Variants in STYX observed in about 807,000 individuals in gnomAD.
STYX encodes serine/threonine/tyrosine-interacting protein.
STYX carries 20 observed loss-of-function variants against 42.7 expected under a neutral mutation model. The ratio of observed to expected loss-of-function variants is 0.47; its 90% CI spans 0.33 to 0.68. The LOEUF is 0.68. STYX is among the 30% of genes least tolerant of loss of function. The probability of loss-of-function intolerance (pLI) is 0.02; values close to 1 mark genes in which losing one functional copy is unlikely to be tolerated. For missense variants in STYX, 226 were observed against 268.5 expected (o/e 0.84, Z 1.11); for synonymous variants, 78 against 81.9 (o/e 0.95, Z 0.26).
intron 1 of STYX, among the ~76,000 whole-genome samples, chr14:52,741,206 GT>G (rs1310764281): frequency 2.1e-5 from 3 of 142,438 alleles, no homozygotes; most frequent in Non-Finnish European, 3.0e-5. Context: ...GTGGATATAT[GT>G]TTTTATATAT....
intron 1 of STYX, among the ~76,000 whole-genome samples, 170 bp from the exon 2 acceptor site, chr14:52,744,682 T>A (rs1881326677): frequency 6.6e-6 from 1 of 152,248 alleles, no homozygotes; most frequent in African/African-American, 2.4e-5. Context: ...TTGTTTCTTG[T>A]CACTTCAATT....
At chr14:52,749,102 A>G (rs896760459) in intron 3 of STYX, among the ~76,000 whole-genome samples, 1 of 152,240 alleles carries the variant, frequency 6.6e-6, no homozygotes, top group Non-Finnish European at 1.5e-5. Flanking sequence ...TGGCAAGTCC[A>G]CAGTCATGGT....
Position 52,756,593 on chromosome 14 carries a change from A to C in STYX, c.285A>C (p.Ile95=). 1 of 1,520,270 alleles carries C rather than the reference A, an allele frequency of 6.6e-7. No individual in the cohort carries two copies. The highest frequency in any genetic ancestry group is 8.9e-7 in the Non-Finnish European group (1 of 1,118,992). 94.2% of individuals were successfully genotyped at this position (1,520,270 alleles called of 1,614,324 possible). Residue 95 remains isoleucine, a synonymous_variant, in exon 5 of 11, where the codon ATA becomes ATC. Transcript: ENST00000354586. ...TTGCAGATAATCCAGTTGAAAATAT[A>C]ATACGTTTTTTCCCTATGGTAGGTA... The part of the protein sequence containing the change: ...LDIADNPVEN[I]IRFFPMTKEF...
chr14:52,760,038 A>T (rs1313507709), intron 9 of STYX, among the ~76,000 whole-genome samples: 1 of 152,026 alleles, frequency 6.6e-6, no homozygotes, highest in Non-Finnish European at 1.5e-5. Flanking sequence ...TCTCTAAAAA[A>T]TAAAAAATTA....
intron 1 of STYX, among the ~76,000 whole-genome samples, chr14:52,734,899 A>C (rs1056105366): frequency 6.6e-6 from 1 of 151,482 alleles, no homozygotes; most frequent in African/African-American, 2.4e-5. Flanking sequence ...GTCTCTACTT[A>C]AAAAAAAATT....
rs542351113 is a variant in STYX at position 52,772,770 on chromosome 14, A to G, written c.*1664A>G. ...AATTGTTAATTAAGAGTTAATTCCT[A>G]TTGACCCAGGTGATATTTCTCTTCT... On this transcript the variant is annotated 3_prime_UTR_variant, in exon 11 of 11. Coordinates refer to ENST00000354586, the MANE Select transcript of STYX (RefSeq NM_145251.4). 5.9e-5 allele frequency: 9 copies of G among 152,284 alleles called. No individual in the cohort carries two copies. The highest frequency in any genetic ancestry group is 1.2e-4 in the Non-Finnish European group (8 of 68,002). The allele number at this position is 152,284 out of a possible 1,614,324, so 9.4% of individuals were successfully genotyped here.
intron 5 of STYX, 99 bp downstream of exon 5, chr14:52,756,710 A>G: frequency 2.1e-6 from 1 of 478,604 alleles, no homozygotes; most frequent in East Asian, 4.1e-5. Context: ...TTTTGAGACA[A>G]GAGTTTTACT....
At position 52,763,606 on chromosome 14, in the gene STYX, ATTT is replaced by A. The variant is rs1216886202; in HGVS notation, c.504+3858_504+3860del. Among the ~76,000 whole-genome samples the A allele has an allele frequency of 4.0e-5, 6 of 151,462 alleles. No individual in the cohort carries two copies. In the South Asian group the frequency reaches 1.0e-3, roughly 26 times the overall value. On this transcript the variant is annotated intron_variant, in intron 9 of 10. Coordinates refer to ENST00000354586, the MANE Select transcript of STYX (RefSeq NM_145251.4). ...CATTTTTTATCTAATATGTGTTGAG[ATTT>A]TTTTTATTGTATAGGTGACTGGGTT... is the stretch of plus-strand genomic sequence containing the variant.
At chr14:52,739,347 A>G (rs1206491903) in intron 1 of STYX, among the ~76,000 whole-genome samples, 1 of 152,080 alleles carries the variant, frequency 6.6e-6, no homozygotes, top group Non-Finnish European at 1.5e-5. Context: ...CACAAAATTT[A>G]GTGATTTCAC....
intron 1 of STYX, among the ~76,000 whole-genome samples, chr14:52,738,976 T>TTG (rs1323008819): frequency 1.3e-5 from 2 of 151,850 alleles, no homozygotes; most frequent in African/African-American, 2.4e-5. Context: ...AATATCACTT[T>TTG]TTTTTTTTTT....
chr14:52,734,461 T>A (rs1880866479), intron 1 of STYX, among the ~76,000 whole-genome samples: 1 of 152,218 alleles, frequency 6.6e-6, no homozygotes, highest in Non-Finnish European at 1.5e-5. Context: ...ATGGTCTTTC[T>A]GGTGACTGGC....
chr14:52,739,208 T>A (rs1881085204), intron 1 of STYX, among the ~76,000 whole-genome samples: 1 of 152,148 alleles, frequency 6.6e-6, no homozygotes, highest in South Asian at 2.1e-4. Flanking sequence ...CTCCATTTAG[T>A]TTATTTCATA....
rs1164062480 is a variant in STYX at position 52,737,301 on chromosome 14, TTTCTC to T, written c.57+6772_57+6776del. 2.6e-5 allele frequency among the ~76,000 whole-genome samples: 4 copies of T among 152,238 alleles called. No homozygotes were observed. In the East Asian group the frequency reaches 7.7e-4, roughly 29 times the overall value. On this transcript the variant is annotated intron_variant, in intron 1 of 10. Coordinates refer to ENST00000354586, the MANE Select transcript of STYX (RefSeq NM_145251.4). ...AGGGTCTTTGAACATTTTTGTAACT[TTTCTC>T]TATCCAAATGCAGTTTTATAGATCA...
chr14:52,769,085 A>G (rs1038993001), intron 10 of STYX, 152 bp downstream of exon 10: 9 of 586,582 alleles, frequency 1.5e-5, no homozygotes, highest in Middle Eastern at 3.9e-4. Context: ...TAATGAATAA[A>G]TGTGTACTAT....
At position 52,730,262 on chromosome 14, in the gene STYX, A is replaced by G. The variant is rs997190763; in HGVS notation, c.-213A>G. The G allele has an allele frequency of 1.4e-4, 84 of 580,798 alleles. No individual in the cohort carries two copies. Among genetic ancestry groups the G allele is most frequent in the Admixed American group, 9.1e-5 (3 of 32,798 alleles). The allele number at this position is 580,798 out of a possible 1,614,324, so 36.0% of individuals were successfully genotyped here. A position where few individuals can be genotyped will look rare whatever the true frequency, so the allele number is the denominator to read the frequency against. Reference sequence around the variant, plus strand: ...GGCAGCGGCATGGCGGCCGGGTGTAAGACGCCCGACCCTCCTCTTCCCTGT... The same window carrying G: ...GGCAGCGGCATGGCGGCCGGGTGTAGGACGCCCGACCCTCCTCTTCCCTGT... On this transcript the variant is annotated 5_prime_UTR_variant, in exon 1 of 11. Coordinates refer to ENST00000354586, the MANE Select transcript of STYX (RefSeq NM_145251.4).
rs1340396760 is a variant in STYX at position 52,771,489 on chromosome 14, A to T, written c.*383A>T. On this transcript the variant is annotated 3_prime_UTR_variant, in exon 11 of 11. Coordinates refer to ENST00000354586, the MANE Select transcript of STYX (RefSeq NM_145251.4). ...GCAAGTATGGGGGGATTGTTTATAA[A>T]GTTTGGGTAATTTATAACAAAATTT... is the stretch of plus-strand genomic sequence containing the variant. 1 of 156,492 alleles carries T rather than the reference A, an allele frequency of 6.4e-6. No individual in the cohort carries two copies. Among genetic ancestry groups the T allele is most frequent in the Non-Finnish European group, 1.4e-5 (1 of 70,774 alleles). 9.7% of individuals were successfully genotyped at this position (156,492 alleles called of 1,614,324 possible).
chr14:52,765,507 G>A (rs141361328), intron 9 of STYX, among the ~76,000 whole-genome samples: 8 of 152,244 alleles, frequency 5.3e-5, no homozygotes, highest in African/African-American at 1.4e-4. Context: ...GTGAGCCACC[G>A]TGCCTGGCCT....
At chr14:52,746,631 C>G (rs1358935260) in intron 3 of STYX, 152 bp downstream of exon 3, 1 of 622,312 alleles carries the variant, frequency 1.6e-6, no homozygotes, top group African/African-American at 2.0e-5. Context: ...TCCTCTTTCC[C>G]TATTTTACTA....
intron 1 of STYX, among the ~76,000 whole-genome samples, chr14:52,737,446 G>A (rs1248457422): frequency 6.6e-6 from 1 of 152,214 alleles, no homozygotes; most frequent in Non-Finnish European, 1.5e-5. Context: ...GAATCATGGT[G>A]TTTCACAATA....
Sources: gnomAD v4.1 joint callset for allele counts (sites outside exome capture counted in the v4.1 genomes callset) on GRCh38, gnomAD v4.1.1 for gene constraint, MANE v1.5 for transcripts, NCBI Gene and HGNC (gene_info 2026-07-23, HGNC 2026-07-21) for gene names.